The following NDST4 variants were observed in gnomAD, a reference collection of about 807,000 sequenced individuals.
NDST4 encodes the protein N-deacetylase and N-sulfotransferase 4, also known as N-heparan sulfate sulfotransferase 4.
A neutral mutation model predicts 100.8 loss-of-function variants in NDST4; 63 were observed. That is an observed-to-expected ratio of 0.62 (90% CI 0.51 to 0.77). The LOEUF is 0.77. Ranked by LOEUF, NDST4 falls within the 30% of genes least tolerant of loss-of-function variation. The pLI is 0.00. For synonymous variants in NDST4, 377 were observed against 361.8 expected (o/e 1.04, Z -0.48); for missense variants, 943 against 1,018.4 (o/e 0.93, Z 1.01).
At chr4:114,845,792 T>C (rs766002967) in intron 10 of NDST4, 31 bp downstream of exon 10, 4 of 1,578,010 alleles carry the variant, frequency 2.5e-6, no homozygotes, top group East Asian at 2.3e-5. Context: ...TATAACAAAA[T>C]GCTTTTAGCC....
At chr4:114,945,438 A>G (rs776782862) in intron 4 of NDST4, among the ~76,000 whole-genome samples, 7 of 152,096 alleles carry the variant, frequency 4.6e-5, no homozygotes, top group Admixed American at 6.6e-5. Context: ...AGCCCACAAT[A>G]TATTTGAGAT....
At chr4:114,937,275 T>C in intron 5 of NDST4, 43 bp downstream of exon 5, 1 of 1,603,356 alleles carries the variant, frequency 6.2e-7, no homozygotes, top group Non-Finnish European at 8.5e-7. Flanking sequence ...ATTCCACATG[T>C]AAATATTAAC....
intron 6 of NDST4, among the ~76,000 whole-genome samples, chr4:114,897,711 A>C (rs1259450615): frequency 6.6e-6 from 1 of 152,194 alleles, no homozygotes; most frequent in African/African-American, 2.4e-5. Context: ...ATGAGAGTTC[A>C]TGTGGGTCCA....
At chr4:115,012,936 T>C (rs780616587) in intron 2 of NDST4, among the ~76,000 whole-genome samples, 37 of 151,968 alleles carry the variant, frequency 2.4e-4, no homozygotes, top group Middle Eastern at 6.8e-3. Context: ...TTGTGATAAG[T>C]GAAGTAAGCT....
At chr4:114,938,750 A>G (rs917688791) in intron 4 of NDST4, among the ~76,000 whole-genome samples, 8 of 152,342 alleles carry the variant, frequency 5.3e-5, no homozygotes, top group African/African-American at 1.7e-4. Context: ...GATGAACCCT[A>G]AATTTTTCAC....
intron 2 of NDST4, among the ~76,000 whole-genome samples, chr4:115,046,985 C>T (rs1434587751): frequency 6.6e-6 from 1 of 152,060 alleles, no homozygotes; most frequent in East Asian, 1.9e-4. Context: ...AAAGCACATT[C>T]TAACAGCTTA....
At chr4:114,889,210 A>G (rs1407985587) in intron 6 of NDST4, among the ~76,000 whole-genome samples, 1 of 152,196 alleles carries the variant, frequency 6.6e-6, no homozygotes, top group East Asian at 1.9e-4. Flanking sequence ...TTAATTCATA[A>G]TTCTGTTTTT....
chr4:115,093,998 T>A (rs1205955521), intron 1 of NDST4, among the ~76,000 whole-genome samples: 1 of 151,946 alleles, frequency 6.6e-6, no homozygotes, highest in Admixed American at 6.6e-5. Flanking sequence ...CTGATTTTTT[T>A]AAAACAGCTA....
chr4:114,905,395 C>T (rs575575065), intron 6 of NDST4, among the ~76,000 whole-genome samples: 2 of 151,888 alleles, frequency 1.3e-5, no homozygotes, highest in East Asian at 3.9e-4. Flanking sequence ...AGAGGACAAT[C>T]TGATTTTTTA....
At chr4:115,009,338 T>C (rs1488582383) in intron 2 of NDST4, among the ~76,000 whole-genome samples, 2 of 127,832 alleles carry the variant, frequency 1.6e-5, no homozygotes, top group African/African-American at 6.0e-5. Context: ...AAAACAGAGA[T>C]ATAGATCAAT....
At chr4:114,863,941 C>T (rs1379429541) in intron 7 of NDST4, among the ~76,000 whole-genome samples, 1 of 152,120 alleles carries the variant, frequency 6.6e-6, no homozygotes, top group Non-Finnish European at 1.5e-5. Context: ...ATTGCAAATT[C>T]GCAATCAAGC....
chr4:114,969,547 A>G (rs947312038), intron 4 of NDST4, among the ~76,000 whole-genome samples: 1 of 152,118 alleles, frequency 6.6e-6, no homozygotes, highest in Non-Finnish European at 1.5e-5. Context: ...GCTCACACTC[A>G]TAAGTGCCAA....
intron 6 of NDST4, among the ~76,000 whole-genome samples, chr4:114,890,966 T>G (rs768863574): frequency 6.6e-6 from 1 of 152,102 alleles, no homozygotes; most frequent in African/African-American, 2.4e-5. Context: ...CCCCAGGAAC[T>G]GACTCATTAG....
At chr4:114,913,731 GAAAAAA>G (rs56189208) in intron 6 of NDST4, among the ~76,000 whole-genome samples, 6 of 125,950 alleles carry the variant, frequency 4.8e-5, no homozygotes, top group African/African-American at 1.6e-4. Context: ...CTATCTCCAA[GAAAAAA>G]AAAAAAAAAA....
chr4:114,878,288 T>C (rs2126199861), intron 6 of NDST4, among the ~76,000 whole-genome samples: 1 of 152,318 alleles, frequency 6.6e-6, no homozygotes. Flanking sequence ...CCACAAGCAT[T>C]TATAATTAAT....
Position 115,008,658 on chromosome 4 carries a change from A to C in NDST4, c.979-31384T>G, listed in dbSNP as rs1458617544. 2.3e-5 allele frequency among the ~76,000 whole-genome samples: 3 copies of C among 128,116 alleles called. 1 individual carries two copies. In the Admixed American group the frequency reaches 2.4e-4, roughly 10 times the overall value. 84.0% of individuals were successfully genotyped at this position (128,116 alleles called of 152,430 possible). On this transcript the variant is annotated intron_variant, in intron 2 of 13. Coordinates refer to ENST00000264363, the MANE Select transcript of NDST4 (RefSeq NM_022569.3). ...ATGCCCTCTCTCACCACTCCTATTC[A>C]ACATAGTGTTGGAAGTTCTGGCCAG...
chr4:114,923,886 A>G (rs899008548), intron 6 of NDST4, among the ~76,000 whole-genome samples: 1 of 151,338 alleles, frequency 6.6e-6, no homozygotes, highest in African/African-American at 2.4e-5. Flanking sequence ...GATGGAAAAG[A>G]CTCCTCTAAT....
chr4:114,925,259 C>T (rs1725365525), intron 6 of NDST4, among the ~76,000 whole-genome samples: 1 of 152,114 alleles, frequency 6.6e-6, no homozygotes, highest in Admixed American at 6.5e-5. Context: ...TCAGTAATCA[C>T]TTCTTTATAA....
At chr4:114,907,730 G>A (rs1010131156) in intron 6 of NDST4, among the ~76,000 whole-genome samples, 1 of 151,948 alleles carries the variant, frequency 6.6e-6, no homozygotes, top group East Asian at 1.9e-4. Context: ...TTGGGGTGGG[G>A]GTGGTCAAAA....
Sources: allele counts gnomAD v4.1 joint callset (sites outside exome capture counted in the v4.1 genomes callset), GRCh38; gene constraint gnomAD v4.1.1; transcripts MANE v1.5; gene names NCBI Gene and HGNC (gene_info 2026-07-23, HGNC 2026-07-21).